RAB11FIP3: variants seen among roughly 807,000 people sequenced by gnomAD.
RAB11FIP3 encodes the protein RAB11 family interacting protein 3.
In RAB11FIP3, 17 loss-of-function variants were observed where a neutral mutation model predicts 77.8. The ratio of observed to expected loss-of-function variants is 0.22; its 90% CI spans 0.15 to 0.33. The LOEUF (loss-of-function observed/expected upper bound fraction) is 0.33. Ranked by LOEUF, RAB11FIP3 falls within the 10% of genes least tolerant of loss-of-function variation. The pLI is 1.00. For synonymous variants in RAB11FIP3, 437 were observed against 448.2 expected (o/e 0.98, Z 0.31); for missense variants, 1,005 against 1,011.2 (o/e 0.99, Z 0.08).
chr16:519,998 C>G (rs1173641317), intron 11 of RAB11FIP3, 107 bp downstream of exon 11: 2 of 1,517,604 alleles, frequency 1.3e-6, no homozygotes, highest in Admixed American at 2.0e-5. Flanking sequence ...TGGGCATAGC[C>G]GCTGGTGTGT....
intron 9 of RAB11FIP3, among the ~76,000 whole-genome samples, chr16:515,012 C>T (rs1445601530): frequency 1.3e-5 from 2 of 152,100 alleles, no homozygotes; most frequent in Non-Finnish European, 2.9e-5. Context: ...GAGTAGACTC[C>T]CCTGAGCCTG....
Position 521,115 on chromosome 16 carries a change from G to C in RAB11FIP3, c.*276G>C. On this transcript the variant is annotated 3_prime_UTR_variant, in exon 14 of 14. Coordinates refer to ENST00000262305, the MANE Select transcript of RAB11FIP3 (RefSeq NM_014700.4). ...CCGTCCATCAGCGCTGACCTTCCGG[G>C]GGCCCAGAGCTTCCCAGCCCTGAGT... 1.9e-6 allele frequency: 1 copy of C among 524,000 alleles called. No individual in the cohort carries two copies. The highest frequency in any genetic ancestry group is 3.5e-6 in the Non-Finnish European group (1 of 289,810). The allele number at this position is 524,000 out of a possible 1,614,324, so 32.5% of individuals were successfully genotyped here.
intron 2 of RAB11FIP3, among the ~76,000 whole-genome samples, chr16:470,091 G>A (rs2055783265): frequency 6.6e-6 from 1 of 151,908 alleles, no homozygotes; most frequent in Non-Finnish European, 1.5e-5. Flanking sequence ...CCGCCTCCCA[G>A]GTTCAAGTGA....
intron 1 of RAB11FIP3, among the ~76,000 whole-genome samples, chr16:444,272 A>G (rs2055275393): frequency 6.6e-6 from 1 of 152,174 alleles, no homozygotes. Context: ...GGAAATGCCT[A>G]CTTTTCACTA....
chr16:430,029 AAC>A lies in RAB11FIP3; in HGVS notation c.714+3313_714+3314del, dbSNP rs143129339. Among the ~76,000 whole-genome samples, 1,387 of 152,286 alleles carry A rather than the reference AAC, an allele frequency of 9.1e-3. 31 individuals carry two copies. The highest frequency in any genetic ancestry group is 0.032 in the African/African-American group (1,319 of 41,518). On this transcript the variant is annotated intron_variant, in intron 1 of 13. Transcript: ENST00000262305. ...TGATAGATCAGGTGTAGTGTAATAT[AAC>A]ACAGTGTTGTGTTAGCAGAAATCAG... is the stretch of plus-strand genomic sequence containing the variant.
chr16:438,777 C>T (rs1237575296), intron 1 of RAB11FIP3, among the ~76,000 whole-genome samples: 1 of 151,798 alleles, frequency 6.6e-6, no homozygotes, highest in African/African-American at 2.4e-5. Flanking sequence ...GCAACCTCCG[C>T]CTCCCAGGTT....
intron 5 of RAB11FIP3, among the ~76,000 whole-genome samples, chr16:493,330 C>T (rs1372688881): frequency 1.3e-5 from 2 of 151,898 alleles, no homozygotes; most frequent in Non-Finnish European, 2.9e-5. Flanking sequence ...ACACAACTGC[C>T]AGTCAGAACA....
At chr16:427,391 C>T (rs1278378634) in intron 1 of RAB11FIP3, among the ~76,000 whole-genome samples, 2 of 152,206 alleles carry the variant, frequency 1.3e-5, no homozygotes, top group African/African-American at 4.8e-5. Flanking sequence ...GTTAGGGCCA[C>T]GTCCACTCTC....
intron 6 of RAB11FIP3, among the ~76,000 whole-genome samples, chr16:499,862 C>A (rs2031395869): frequency 6.6e-6 from 1 of 150,990 alleles, no homozygotes; most frequent in African/African-American, 2.4e-5. Context: ...AAAACAGAGA[C>A]CTCTTCTGCA....
intron 1 of RAB11FIP3, chr16:439,507 C>T (rs1341175753): frequency 6.6e-6 from 1 of 152,182 alleles, no homozygotes; most frequent in Non-Finnish European, 1.5e-5. Context: ...CTGTGTGTGC[C>T]ACTAAAACCG....
chr16:491,346 C>A, intron 5 of RAB11FIP3: 1 of 1,256,506 alleles, frequency 8.0e-7, no homozygotes, highest in South Asian at 1.3e-5. Flanking sequence ...CCCTTGAGGG[C>A]CTGCCCCGAG....
intron 5 of RAB11FIP3, among the ~76,000 whole-genome samples, chr16:490,754 C>T (rs563963451): frequency 6.2e-4 from 94 of 152,328 alleles, no homozygotes; most frequent in African/African-American, 2.1e-3. Flanking sequence ...AGACATGGTT[C>T]GCTATCACAT....
At chr16:510,589 C>G in intron 8 of RAB11FIP3, 71 bp from the exon 9 acceptor site, 1 of 1,486,328 alleles carries the variant, frequency 6.7e-7, no homozygotes, top group East Asian at 2.5e-5. Context: ...CCTGAGGCAG[C>G]TTCTGGGCAT....
In RAB11FIP3 at chr16:521,545, G is replaced by A. The variant is rs2032687844; in HGVS notation, c.*706G>A. The A allele has an allele frequency of 6.5e-6, 1 of 152,730 alleles. No homozygotes were observed. The allele number at this position is 152,730 out of a possible 1,614,324, so 9.5% of individuals were successfully genotyped here. ...GCCATGTGGCTGTTCCCACGGCCCA[G>A]TCCTCGCTGCAGTAACCCCTGGGGG... is the stretch of plus-strand genomic sequence containing the variant. On this transcript the variant is annotated 3_prime_UTR_variant, in exon 14 of 14. Transcript: ENST00000262305.
chr16:500,428 C>T (rs549205337), intron 6 of RAB11FIP3, among the ~76,000 whole-genome samples: 1 of 152,152 alleles, frequency 6.6e-6, no homozygotes, highest in South Asian at 2.1e-4. Flanking sequence ...CACGCCTGTA[C>T]TCCCAGCACT....
At chr16:477,438 C>A (rs1340345009) in intron 3 of RAB11FIP3, among the ~76,000 whole-genome samples, 4 of 152,314 alleles carry the variant, frequency 2.6e-5, no homozygotes, top group Admixed American at 6.5e-5. Flanking sequence ...CTGGCAACTG[C>A]CCTCAAACCG....
rs1340765952 is a variant in RAB11FIP3 at position 522,222 on chromosome 16, G to A, written c.*1383G>A. ...TTGATCAATTTTTTAATACTTTCAA[G>A]AGAAAACTGTGTATACACATGAAAT... On this transcript the variant is annotated 3_prime_UTR_variant, in exon 14 of 14. Transcript: ENST00000262305. The A allele has an allele frequency of 6.8e-6, 1 of 147,574 alleles. No individual in the cohort carries two copies. Among genetic ancestry groups the A allele is most frequent in the Non-Finnish European group, 1.5e-5 (1 of 67,356 alleles). 9.1% of individuals were successfully genotyped at this position (147,574 alleles called of 1,614,324 possible).
At chr16:433,383 G>A (rs937110627) in intron 1 of RAB11FIP3, among the ~76,000 whole-genome samples, 24 of 150,208 alleles carry the variant, frequency 1.6e-4, no homozygotes, top group Admixed American at 6.7e-5. Flanking sequence ...CCCAGCCTCT[G>A]ATATCAATCG....
intron 9 of RAB11FIP3, among the ~76,000 whole-genome samples, chr16:512,130 C>A (rs1284635418): frequency 6.6e-6 from 1 of 152,144 alleles, no homozygotes; most frequent in African/African-American, 2.4e-5. Flanking sequence ...CCAAAGACCA[C>A]AAGGGATCGG....
Sources: gnomAD v4.1 joint callset for allele counts (sites outside exome capture counted in the v4.1 genomes callset) on GRCh38, gnomAD v4.1.1 for gene constraint, MANE v1.5 for transcripts, NCBI Gene and HGNC (gene_info 2026-07-23, HGNC 2026-07-21) for gene names.